The following MACROD2 variants were observed in gnomAD, a reference collection of about 807,000 sequenced individuals.
The protein encoded by MACROD2 is ADP-ribose glycohydrolase MACROD2.
Under a neutral mutation model 70.4 loss-of-function variants are expected in MACROD2, and 36 were observed. The observed-to-expected ratio is 0.51, with a 90% CI of 0.39 to 0.68. MACROD2 has a LOEUF of 0.68. Ranked by LOEUF, MACROD2 falls within the 30% of genes least tolerant of loss-of-function variation. MACROD2 has a pLI of 0.00. For synonymous variants in MACROD2, 172 were observed against 178.8 expected (o/e 0.96, Z 0.30); for missense variants, 496 against 538.4 (o/e 0.92, Z 0.78).
intron 8 of MACROD2, among the ~76,000 whole-genome samples, chr20:15,670,943 G>A (rs2049971595): frequency 6.6e-6 from 1 of 150,938 alleles, no homozygotes; most frequent in Non-Finnish European, 1.5e-5. Context: ...GAAGATCTGA[G>A]CTGTGTTTTA....
At chr20:14,694,541 T>G (rs2071099691) in intron 5 of MACROD2, among the ~76,000 whole-genome samples, 1 of 152,194 alleles carries the variant, frequency 6.6e-6, no homozygotes, top group Non-Finnish European at 1.5e-5. Flanking sequence ...GAATGTATTT[T>G]TAAAATAAAA....
At chr20:15,860,261 AGT>A (rs1186661331) in intron 8 of MACROD2, among the ~76,000 whole-genome samples, 30 of 152,172 alleles carry the variant, frequency 2.0e-4, no homozygotes, top group African/African-American at 7.2e-4. Flanking sequence ...AAGAAACATG[AGT>A]GTTAAATTTC....
intron 3 of MACROD2, among the ~76,000 whole-genome samples, chr20:14,092,754 G>A (rs752856654): frequency 1.3e-5 from 2 of 152,124 alleles, no homozygotes; most frequent in Non-Finnish European, 2.9e-5. Flanking sequence ...TGAAAAATAC[G>A]TAGCACAGTT....
chr20:15,107,029 T>C (rs576997572), intron 5 of MACROD2, among the ~76,000 whole-genome samples: 1 of 149,130 alleles, frequency 6.7e-6, no homozygotes, highest in South Asian at 2.1e-4. Context: ...CAATCCTTTA[T>C]ATACCTTTAT....
intron 6 of MACROD2, among the ~76,000 whole-genome samples, chr20:15,283,835 T>C (rs917133639): frequency 6.6e-6 from 1 of 152,200 alleles, no homozygotes; most frequent in African/African-American, 2.4e-5. Context: ...GCCAACTATG[T>C]GCACAAGTAG....
At chr20:15,390,095 T>C (rs1470699803) in intron 6 of MACROD2, among the ~76,000 whole-genome samples, 2 of 152,238 alleles carry the variant, frequency 1.3e-5, no homozygotes, top group African/African-American at 4.8e-5. Flanking sequence ...AGGTCAAAAG[T>C]GTTCCAGCCC....
At chr20:15,612,585 G>A (rs766167662) in intron 8 of MACROD2, among the ~76,000 whole-genome samples, 14 of 152,158 alleles carry the variant, frequency 9.2e-5, no homozygotes, top group Non-Finnish European at 1.9e-4. Context: ...AGACCTCCAC[G>A]TTCTGCGGAA....
intron 3 of MACROD2, among the ~76,000 whole-genome samples, chr20:14,171,251 C>T (rs2081218176): frequency 6.6e-6 from 1 of 152,138 alleles, no homozygotes. Flanking sequence ...GTTAGTCTCA[C>T]TAACGTTATT....
chr20:14,480,276 AATTAAATT>A (rs1172313686), intron 3 of MACROD2, among the ~76,000 whole-genome samples: 4 of 152,238 alleles, frequency 2.6e-5, no homozygotes, highest in Non-Finnish European at 5.9e-5. Context: ...GTTGTTAAAT[AATTAAATT>A]ATAATTTGTA....
chr20:14,326,114 A>G lies in MACROD2; in HGVS notation c.272-167365A>G. 1 of 1,613,884 alleles carries G rather than the reference A, an allele frequency of 6.2e-7. No individual in the cohort carries two copies. On this transcript the variant is annotated intron_variant, in intron 3 of 17. Transcript: ENST00000684519. This position sits in a 1 kb window ranked among gnomAD's most constrained non-coding sequence, Gnocchi z 5.5. ...GAATCAGGCTCCAGGGCTGTGACCA[A>G]GTACTCACTGCGTTCCCCTGTTACA...
At chr20:15,550,132 G>A (rs2048076345) in intron 8 of MACROD2, among the ~76,000 whole-genome samples, 1 of 151,744 alleles carries the variant, frequency 6.6e-6, no homozygotes, top group South Asian at 2.1e-4. Context: ...ACATTTACTT[G>A]TCAGATCTCT....
chr20:14,494,345 T>A (rs919859829), intron 4 of MACROD2, among the ~76,000 whole-genome samples: 7 of 152,098 alleles, frequency 4.6e-5, no homozygotes, highest in Non-Finnish European at 1.0e-4. Flanking sequence ...AGCCTTAGGC[T>A]TTCATCAGGA....
intron 5 of MACROD2, among the ~76,000 whole-genome samples, chr20:15,205,384 T>A (rs1404614978): frequency 6.8e-6 from 1 of 146,746 alleles, no homozygotes. Context: ...TTCAGGGGCT[T>A]CTATTTTTTT....
chr20:15,728,541 G>A (rs2050897779), intron 8 of MACROD2, among the ~76,000 whole-genome samples: 1 of 152,082 alleles, frequency 6.6e-6, no homozygotes, highest in Admixed American at 6.5e-5. Context: ...GCTTTTTCTG[G>A]TTGGTAGGCT....
At chr20:14,878,081 G>A (rs1213220497) in intron 5 of MACROD2, among the ~76,000 whole-genome samples, 1 of 152,092 alleles carries the variant, frequency 6.6e-6, no homozygotes, top group Non-Finnish European at 1.5e-5. Context: ...ATACCTGTAA[G>A]CGTAATTTTG....
At chr20:15,370,874 T>C (rs8114987) in intron 6 of MACROD2, among the ~76,000 whole-genome samples, 13,485 of 151,974 alleles carry the variant, frequency 0.089, 648 homozygotes, top group East Asian at 0.17. Context: ...CTCAATGTAA[T>C]TTATTATAAT....
chr20:15,602,454 C>T (rs1258954582), intron 8 of MACROD2, among the ~76,000 whole-genome samples: 1 of 151,012 alleles, frequency 6.6e-6, no homozygotes, highest in Non-Finnish European at 1.5e-5. Context: ...AGCGCTTCCT[C>T]ATTATCTTTC....
intron 4 of MACROD2, among the ~76,000 whole-genome samples, chr20:14,505,364 CTAGTGTTT>C (rs1887202865): frequency 1.3e-5 from 2 of 152,164 alleles, no homozygotes; most frequent in Non-Finnish European, 2.9e-5. Context: ...TTAAATCTGT[CTAGTGTTT>C]CTTTGCATAT....
chr20:15,606,352 C>G (rs778156322), intron 8 of MACROD2, among the ~76,000 whole-genome samples: 1 of 152,148 alleles, frequency 6.6e-6, no homozygotes, highest in East Asian at 1.9e-4. Flanking sequence ...TTTCCTGCCT[C>G]TACTCCTGGC....
Sources: allele counts gnomAD v4.1 joint callset (sites outside exome capture counted in the v4.1 genomes callset), GRCh38; gene constraint gnomAD v4.1.1; non-coding constraint Gnocchi (gnomAD v3.1); transcripts MANE v1.5; gene names NCBI Gene and HGNC (gene_info 2026-07-23, HGNC 2026-07-21).